The following WBP2 variants were observed in gnomAD, a reference collection of about 807,000 sequenced individuals.
The protein encoded by WBP2 is WW domain-binding protein 2.
WBP2 carries 23 observed loss-of-function variants against 33.0 expected under a neutral mutation model. That is an observed-to-expected ratio of 0.70 (90% CI 0.50 to 0.99). The LOEUF (loss-of-function observed/expected upper bound fraction) is 0.99. WBP2 is among the 50% of genes least tolerant of loss of function. WBP2 has a pLI of 0.00. For synonymous variants in WBP2, 153 were observed against 133.5 expected (o/e 1.15, Z -1.01); for missense variants, 353 against 358.0 (o/e 0.99, Z 0.11).
intron 1 of WBP2, among the ~76,000 whole-genome samples, chr17:75,853,778 G>A (rs113240809): frequency 0.06 from 9,069 of 152,172 alleles, 539 homozygotes; most frequent in African/African-American, 0.15. Context: ...GGGCGCGGTG[G>A]CTCACTCCTG....
At chr17:75,855,360 C>A, upstream of WBP2, 1 of 1,576,190 alleles carries the variant, frequency 6.3e-7, no homozygotes, top group Non-Finnish European at 8.7e-7. Flanking sequence ...CTTCGCCCCG[C>A]CCCTAGTGGC....
At chr17:75,847,327 C>T (rs970127045) in intron 6 of WBP2, 160 bp downstream of exon 6, 28 of 1,215,590 alleles carry the variant, frequency 2.3e-5, no homozygotes, top group South Asian at 6.7e-5. Context: ...AATCTAGCTC[C>T]GCTCCACCAG....
At chr17:75,853,643 C>G (rs1345444892) in intron 1 of WBP2, among the ~76,000 whole-genome samples, 1 of 152,226 alleles carries the variant, frequency 6.6e-6, no homozygotes, top group East Asian at 1.9e-4. Context: ...TGAGGTGTCT[C>G]TGATTACATG....
At position 75,847,806 on chromosome 17, in the gene WBP2, C is replaced by T. The variant is rs573633982; in HGVS notation, c.522G>A (p.Pro174=). The T allele has an allele frequency of 1.3e-5, 20 of 1,554,114 alleles. 1 individual carries two copies. Among genetic ancestry groups the T allele is most frequent in the South Asian group, 1.1e-4 (9 of 84,546 alleles). The change falls in exon 5 of 8, where the codon CCG becomes CCA. Residue 174 remains proline (P), a synonymous_variant. Coordinates refer to ENST00000254806, the MANE Select transcript of WBP2 (RefSeq NM_012478.4). ...AAAGGACACACTCACCAGGTGGGGG[C>T]GGTGGATAGGGGTAGCCAGGAGGGC... The part of the protein sequence containing the change: ...YPCPPGYPYP[P]PPPEFYPGPP...
At chr17:75,849,969 ATAG>A (rs2065017840) in intron 2 of WBP2, among the ~76,000 whole-genome samples, 1 of 152,222 alleles carries the variant, frequency 6.6e-6, no homozygotes, top group Non-Finnish European at 1.5e-5. Context: ...CTGGTCACAG[ATAG>A]TATCTATGAG....
intron 1 of WBP2, among the ~76,000 whole-genome samples, chr17:75,854,339 AGTTCAACCCAG>A (rs2065045394): frequency 6.6e-6 from 1 of 152,184 alleles, no homozygotes; most frequent in African/African-American, 2.4e-5. Flanking sequence ...GGGTCGGCAT[AGTTCAACCCAG>A]GGCTGGCTGG....
chr17:75,849,538 C>G, intron 3 of WBP2, 66 bp downstream of exon 3: 3 of 1,595,714 alleles, frequency 1.9e-6, no homozygotes, highest in Non-Finnish European at 2.6e-6. Context: ...CCCACGGCGG[C>G]AGTCAGAGGT....
chr17:75,854,929 G>C (rs2065048458), intron 1 of WBP2, among the ~76,000 whole-genome samples: 1 of 152,034 alleles, frequency 6.6e-6, no homozygotes, highest in Non-Finnish European at 1.5e-5. Context: ...TTTTTGTTTG[G>C]GGCTCCTCCC....
chr17:75,849,790 G>T, intron 2 of WBP2, 51 bp from the exon 3 acceptor site: 2 of 1,601,590 alleles, frequency 1.2e-6, no homozygotes, highest in Non-Finnish European at 1.7e-6. Flanking sequence ...AGCCCACGCT[G>T]CCATGCTTCC....
At chr17:75,852,346 CTTAT>C (rs2065032603) in intron 1 of WBP2, 1 of 152,238 alleles carries the variant, frequency 6.6e-6, no homozygotes, top group Non-Finnish European at 1.5e-5. Flanking sequence ...CCAAACCCCG[CTTAT>C]AAAGCCCCCA....
In WBP2 at chr17:75,846,762, T is replaced by A; in HGVS notation, c.758A>T (p.Tyr253Phe). 6.5e-7 allele frequency: 1 copy of A among 1,541,442 alleles called. No homozygotes were observed. The highest frequency in any genetic ancestry group is 8.8e-7 in the Non-Finnish European group (1 of 1,142,632). The part of the protein sequence containing the change: ...PTSQPPPPPY[Y>F]PPEDKKTQ ...CTGGGTCTTCTTATCTTCCGGTGGG[T>A]AGTAGGGAGGTGGCGGCGGCTGGCT... The change falls in exon 8 of 8, where the codon TAC becomes TTC. Residue 253 changes from tyrosine (Y) to phenylalanine (F), a missense_variant. Coordinates refer to ENST00000254806, the MANE Select transcript of WBP2 (RefSeq NM_012478.4). The surrounding 1 kb of genome is among the most constrained non-coding windows in gnomAD (Gnocchi z 4.8).
At chr17:75,855,691 A>G (rs906667265), upstream of WBP2, among the ~76,000 whole-genome samples, 1 of 152,222 alleles carries the variant, frequency 6.6e-6, no homozygotes, top group African/African-American at 2.4e-5. Context: ...CGCTCCTGGC[A>G]GGGGCGCGAT....
rs1016660981 is a variant in WBP2, at chr17:75,849,824, A to C, written c.169-85T>G. ...CCCGCCTGCTTCCTGGGAGTGACGA[A>C]TCCTCTCCCAGTGCCAGGGTCCAGC... On this transcript the variant is annotated intron_variant, in intron 2 of 7. Coordinates refer to ENST00000254806, the MANE Select transcript of WBP2 (RefSeq NM_012478.4). The C allele has an allele frequency of 3.9e-6, 6 of 1,535,730 alleles. No homozygotes were observed. In the African/African-American group the frequency reaches 8.1e-5, roughly 21 times the overall value.
upstream of WBP2, chr17:75,855,551 G>A: frequency 1.8e-6 from 1 of 544,800 alleles, no homozygotes; most frequent in South Asian, 2.1e-5. Context: ...TCCCTATGCT[G>A]GAGGAAGGAT....
chr17:75,855,227 C>T lies in WBP2; in HGVS notation c.59+12G>A, dbSNP rs768870692. ...ACTTTGGTCCTCCAGGATCCTTCCG[C>T]AGTGTTTTCACCTCTCGGTGTTATT... On this transcript the variant is annotated intron_variant, in intron 1 of 7. Coordinates refer to ENST00000254806, the MANE Select transcript of WBP2 (RefSeq NM_012478.4). 5.6e-6 allele frequency: 9 copies of T among 1,611,002 alleles called. No individual in the cohort carries two copies. The highest frequency in any genetic ancestry group is 6.8e-6 in the Non-Finnish European group (8 of 1,179,480).
intron 1 of WBP2, chr17:75,852,451 CT>C (rs2065033296): frequency 7.4e-6 from 1 of 134,800 alleles, no homozygotes; most frequent in Non-Finnish European, 1.6e-5. Flanking sequence ...CTTCTATTTT[CT>C]TTATTTTTTT....
chr17:75,850,278 C>T (rs1488071288), intron 2 of WBP2, among the ~76,000 whole-genome samples: 1 of 149,964 alleles, frequency 6.7e-6, no homozygotes, highest in African/African-American at 2.5e-5. Flanking sequence ...TGGAGTCTTA[C>T]TCTGTTGCCT....
At chr17:75,850,088 G>A (rs1389017213) in intron 2 of WBP2, among the ~76,000 whole-genome samples, 1 of 152,126 alleles carries the variant, frequency 6.6e-6, no homozygotes, top group African/African-American at 2.4e-5. Flanking sequence ...GGCAGGGATG[G>A]GTTCCTGAAA....
chr17:75,852,601 G>T (rs1477434779), intron 1 of WBP2: 1 of 158,048 alleles, frequency 6.3e-6, no homozygotes, highest in African/African-American at 2.4e-5. Context: ...GACTACAGGC[G>T]CCCGCCACCA....
Sources: allele counts gnomAD v4.1 joint callset (sites outside exome capture counted in the v4.1 genomes callset), GRCh38; gene constraint gnomAD v4.1.1; non-coding constraint Gnocchi (gnomAD v3.1); transcripts MANE v1.5; gene names NCBI Gene and HGNC (gene_info 2026-07-23, HGNC 2026-07-21).